Variants in BCKDHA observed in about 807,000 individuals in gnomAD.
BCKDHA encodes branched chain keto acid dehydrogenase E1 subunit alpha.
Under a neutral mutation model 52.2 loss-of-function variants are expected in BCKDHA, and 43 were observed. That is an observed-to-expected ratio of 0.82 (90% CI 0.64 to 1.06). BCKDHA has a LOEUF of 1.06. BCKDHA is among the 50% of genes least tolerant of loss of function. The probability of loss-of-function intolerance (pLI) is 0.00; values close to 1 mark genes in which losing one functional copy is unlikely to be tolerated. For missense variants in BCKDHA, 527 were observed against 621.3 expected (o/e 0.85, Z 1.61); for synonymous variants, 234 against 247.9 (o/e 0.94, Z 0.53).
rs77987454 is a variant in BCKDHA, at chr19:41,405,077, G to A, written c.109-5560G>A. On this transcript the variant is annotated intron_variant, in intron 1 of 8. Transcript: ENST00000269980. ...TAGCCTTCAGTTCAGGGCATGATTTGGAGCAAATGTTCAGTATCTGTTTAA... is the reference window on the plus strand; with the variant it reads ...TAGCCTTCAGTTCAGGGCATGATTTAGAGCAAATGTTCAGTATCTGTTTAA... Among the ~76,000 whole-genome samples the A allele has an allele frequency of 6.6e-5, 10 of 152,198 alleles. No homozygotes were observed. The East Asian group carries it at 1.9e-3, about 29-fold the overall frequency.
intron 1 of BCKDHA, among the ~76,000 whole-genome samples, chr19:41,408,261 C>CT (rs2039214787): frequency 1.5e-5 from 1 of 67,368 alleles, no homozygotes; most frequent in Admixed American, 1.3e-4. Context: ...AGCATCCCCA[C>CT]CTTTTTTTTT....
At position 41,402,950 on chromosome 19, in the gene BCKDHA, AT is replaced by A. The variant is rs574275294; in HGVS notation, c.108+5020del. Among the ~76,000 whole-genome samples, 607 of 151,940 alleles carry A rather than the reference AT, an allele frequency of 4.0e-3. 1 individual carries two copies. Among genetic ancestry groups the A allele is most frequent in the Non-Finnish European group, 6.2e-3 (420 of 67,956 alleles). On this transcript the variant is annotated intron_variant, in intron 1 of 8. Transcript: ENST00000269980. ...GCCACCATGTGTGGCCGGGCAGGTG[AT>A]TTTTCTTGTCTTTCGCCTCTTTCCA... is the stretch of plus-strand genomic sequence containing the variant.
chr19:41,402,130 G>T (rs148020420), intron 1 of BCKDHA, among the ~76,000 whole-genome samples: 4 of 152,146 alleles, frequency 2.6e-5, no homozygotes, highest in African/African-American at 9.7e-5. Context: ...ATCAGATCTC[G>T]TGAGACTTAT....
Position 41,399,591 on chromosome 19 carries a change from T to TA in BCKDHA, c.108+1657dup, listed in dbSNP as rs930299974. The TA allele has an allele frequency of 2.0e-4, 30 of 151,980 alleles. 1 individual carries two copies. Among genetic ancestry groups the TA allele is most frequent in the Admixed American group, 5.2e-4 (8 of 15,264 alleles). 9.4% of individuals were successfully genotyped at this position (151,980 alleles called of 1,614,324 possible). A position where few individuals can be genotyped will look rare whatever the true frequency, so the allele number is the denominator to read the frequency against. On this transcript the variant is annotated intron_variant, in intron 1 of 8. Coordinates refer to ENST00000269980, the MANE Select transcript of BCKDHA (RefSeq NM_000709.4). ...TTTTATTTATATATATTTAAATTTG[T>TA]ATTATCTTAAGAGTTATTGTTTTTT...
intron 4 of BCKDHA, among the ~76,000 whole-genome samples, chr19:41,416,682 G>A (rs1328782273): frequency 6.6e-6 from 1 of 152,166 alleles, no homozygotes; most frequent in Admixed American, 6.5e-5. Flanking sequence ...CACTTCGGGA[G>A]GCTGAGGCGG....
chr19:41,402,760 C>A (rs2123240714), intron 1 of BCKDHA, among the ~76,000 whole-genome samples: 1 of 152,258 alleles, frequency 6.6e-6, no homozygotes, highest in African/African-American at 2.4e-5. Flanking sequence ...CCTGCCTCCC[C>A]CTCTCGAGTA....
chr19:41,414,734 G>T (rs1439155024), intron 4 of BCKDHA, among the ~76,000 whole-genome samples: 1 of 152,182 alleles, frequency 6.6e-6, no homozygotes, highest in Non-Finnish European at 1.5e-5. Flanking sequence ...AGGAATGAGT[G>T]CCTGGGAGCG....
Position 41,422,753 on chromosome 19 carries a change from C to G in BCKDHA, c.978C>G (p.Ile326Met), listed in dbSNP as rs398123514. Residue 326 changes from isoleucine to methionine, a missense_variant, in exon 7 of 9, where the codon ATC becomes ATG. Ile to Met is a conservative substitution (Grantham distance 10). Coordinates refer to ENST00000269980, the MANE Select transcript of BCKDHA (RefSeq NM_000709.4). ...TGGCAGAGAACCAGCCCTTCCTCAT[C>G]GAGGCCATGACCTACAGGTGCCTGC... ...RAVAENQPFL[I>M]EAMTYRIGHH... is the part of the protein sequence containing the mutation. The G allele has an allele frequency of 3.1e-6, 5 of 1,613,524 alleles. No individual in the cohort carries two copies. In the Admixed American group the frequency reaches 8.3e-5, roughly 27 times the overall value.
intron 1 of BCKDHA, among the ~76,000 whole-genome samples, 161 bp downstream of exon 1, chr19:41,398,096 C>T (rs2039096428): frequency 6.6e-6 from 1 of 152,226 alleles, no homozygotes; most frequent in African/African-American, 2.4e-5. Flanking sequence ...AGATCTGCCA[C>T]TTCCTTAGGA....
intron 5 of BCKDHA, among the ~76,000 whole-genome samples, chr19:41,420,426 C>T (rs193117016): frequency 8.5e-5 from 13 of 152,150 alleles, no homozygotes; most frequent in Admixed American, 7.9e-4. Flanking sequence ...TGGCAAAGCC[C>T]TGTCCCTACT....
At chr19:41,411,542 G>A (rs1321835141) in intron 3 of BCKDHA, among the ~76,000 whole-genome samples, 3 of 152,238 alleles carry the variant, frequency 2.0e-5, no homozygotes, top group East Asian at 1.9e-4. Flanking sequence ...GAGGGAAGGC[G>A]GAAGGCCAGA....
At chr19:41,417,034 C>T (rs2039313760) in intron 4 of BCKDHA, among the ~76,000 whole-genome samples, 4 of 152,152 alleles carry the variant, frequency 2.6e-5, no homozygotes, top group African/African-American at 7.2e-5. Flanking sequence ...TTCTTCAAGA[C>T]GGGGTCTTAC....
chr19:41,424,070 G>A (rs1008448199), intron 8 of BCKDHA, among the ~76,000 whole-genome samples: 1 of 152,056 alleles, frequency 6.6e-6, no homozygotes, highest in African/African-American at 2.4e-5. Flanking sequence ...GAGTCAGTGT[G>A]CCACCCTCCC....
chr19:41,415,374 G>A (rs145173140), intron 4 of BCKDHA: 3,007 of 152,368 alleles, frequency 0.02, 55 homozygotes, highest in Non-Finnish European at 0.032. Flanking sequence ...CATGGGAGCC[G>A]CTGAGCTCTC....
At chr19:41,416,604 C>T (rs367596389) in intron 4 of BCKDHA, among the ~76,000 whole-genome samples, 5 of 152,108 alleles carry the variant, frequency 3.3e-5, no homozygotes, top group South Asian at 2.1e-4. Flanking sequence ...CAGGGAGTGG[C>T]GCCCGGTGAA....
Position 41,422,819 on chromosome 19 carries a change from G to A in BCKDHA, c.995+49G>A, listed in dbSNP as rs284654. 973,758 of 1,609,446 alleles carry A rather than the reference G, an allele frequency of 0.61. 296,993 individuals carry two copies. Among genetic ancestry groups the A allele is most frequent in the African/African-American group, 0.73 (54,460 of 74,870 alleles). On this transcript the variant is annotated intron_variant, in intron 7 of 8. Transcript: ENST00000269980. ...CACCCCCACAGCACTGACAGCCACC[G>A]TAGCATCTTCCTCATATCGATCACT... is the stretch of plus-strand genomic sequence containing the variant.
intron 6 of BCKDHA, 34 bp from the exon 7 acceptor site, chr19:41,422,595 C>T: frequency 6.2e-7 from 1 of 1,613,158 alleles, no homozygotes; most frequent in Non-Finnish European, 8.5e-7. Flanking sequence ...TTATCTCAGC[C>T]CTGGCCTGAC....
At position 41,422,285 on chromosome 19, in the gene BCKDHA, T is replaced by TG; in HGVS notation, c.769dup (p.Glu257GlyfsTer21). ...CCGGCTTCAACTTCGCTGCCACACT[T>TG]GAGTGCCCCATCATCTTCTTCTGCC... On this transcript the variant is annotated frameshift_variant, in exon 6 of 9. Transcript: ENST00000269980. LOFTEE classifies it high-confidence loss of function. 6.2e-7 allele frequency: 1 copy of TG among 1,614,208 alleles called. No homozygotes were observed.
chr19:41,419,838 GCTCA>G (rs2039345921), intron 5 of BCKDHA, among the ~76,000 whole-genome samples: 1 of 149,018 alleles, frequency 6.7e-6, no homozygotes, highest in Non-Finnish European at 1.5e-5. Flanking sequence ...TGCAATCTCG[GCTCA>G]CTGTAACCTC....
Sources: gnomAD v4.1 joint callset for allele counts (sites outside exome capture counted in the v4.1 genomes callset) on GRCh38, gnomAD v4.1.1 for gene constraint, MANE v1.5 for transcripts, NCBI Gene and HGNC (gene_info 2026-07-23, HGNC 2026-07-21) for gene names.